The following DMD variants were observed in gnomAD, a reference collection of about 807,000 sequenced individuals.
DMD encodes dystrophin, also known as mutant dystrophin.
A neutral mutation model predicts 330.1 loss-of-function variants in DMD; 63 were observed. The observed-to-expected ratio is 0.19, with a 90% CI of 0.16 to 0.24. The LOEUF (loss-of-function observed/expected upper bound fraction) is 0.24. Among genes scored for constraint, DMD ranks in the 10% least tolerant of loss-of-function variants. The pLI is 1.00. For missense variants in DMD, 3,344 were observed against 2,684.1 expected, an observed-to-expected ratio of 1.25 and a Z score of -5.43; for synonymous variants, 1,223 against 959.8, an observed-to-expected ratio of 1.27 and a Z score of -5.07.
Position 31,121,040 on chromosome X carries a change from G to A in DMD, c.*879C>T, listed in dbSNP as rs1450011640. The A allele has an allele frequency of 8.9e-6, 1 of 111,852 alleles. No individual in the cohort carries two copies. The highest frequency in any genetic ancestry group is 1.9e-5 in the Non-Finnish European group (1 of 53,083). 9.2% of individuals were successfully genotyped at this position (111,852 alleles called of 1,213,427 possible). A position where few individuals can be genotyped will look rare whatever the true frequency, so the allele number is the denominator to read the frequency against. Reference sequence around the variant, plus strand: ...CTGGAGCTGTAGACAATGTTTTAGTGTGGTGTAGTTTCCTCCTGGCTTCCG... The same window carrying A: ...CTGGAGCTGTAGACAATGTTTTAGTATGGTGTAGTTTCCTCCTGGCTTCCG... On this transcript the variant is annotated 3_prime_UTR_variant, in exon 79 of 79. Coordinates refer to ENST00000357033, the MANE Select transcript of DMD (RefSeq NM_004006.3).
intron 1 of DMD, among the ~76,000 whole-genome samples, chrX:33,070,665 CTCTCTCTCTATA>C (rs1230060816): frequency 1.7e-4 from 8 of 45,860 alleles, no homozygotes; most frequent in Admixed American, 3.0e-4. Context: ...CTCTCTCTCT[CTCTCTCTCTATA>C]TATATATATA....
intron 33 of DMD, among the ~76,000 whole-genome samples, chrX:32,386,084 T>TC (rs1337110447): frequency 9.1e-6 from 1 of 110,483 alleles, no homozygotes; most frequent in African/African-American, 3.3e-5. Flanking sequence ...TTATTGTTTC[T>TC]TAATGAGAAT....
At chrX:31,845,156 T>C (rs1357982692) in intron 48 of DMD, among the ~76,000 whole-genome samples, 1 of 109,911 alleles carries the variant, frequency 9.1e-6, no homozygotes, top group Admixed American at 9.8e-5. Flanking sequence ...TTTTAGGCAA[T>C]GTGAGCACAG....
At chrX:32,854,041 C>T (rs900489163) in intron 2 of DMD, among the ~76,000 whole-genome samples, 1 of 111,388 alleles carries the variant, frequency 9.0e-6, no homozygotes, top group African/African-American at 3.3e-5. Flanking sequence ...TAAATATATA[C>T]GTACCGAACA....
chrX:33,145,926 C>A (rs2048006589), intron 1 of DMD, among the ~76,000 whole-genome samples: 1 of 110,272 alleles, frequency 9.1e-6, no homozygotes, highest in Non-Finnish European at 1.9e-5. Flanking sequence ...CTCGCTCTGT[C>A]GCCAGGCTGG....
intron 23 of DMD, among the ~76,000 whole-genome samples, chrX:32,467,411 T>C (rs1323874612): frequency 9.0e-6 from 1 of 110,826 alleles, no homozygotes; most frequent in Non-Finnish European, 1.9e-5. Flanking sequence ...ATTAGTATGG[T>C]GGCACTATTC....
intron 60 of DMD, among the ~76,000 whole-genome samples, chrX:31,368,873 T>C (rs1039802098): frequency 9.0e-6 from 1 of 111,245 alleles, no homozygotes; most frequent in African/African-American, 3.3e-5. Context: ...CTGGAACTCC[T>C]GACCTCAGGT....
chrX:31,265,968 G>C (rs1030511781), intron 62 of DMD, among the ~76,000 whole-genome samples: 1 of 107,490 alleles, frequency 9.3e-6, no homozygotes, highest in African/African-American at 3.4e-5. Flanking sequence ...TGCCTCCCTC[G>C]AGCAACTAAA....
At chrX:31,139,831 A>C (rs2035817056) in intron 76 of DMD, among the ~76,000 whole-genome samples, 1 of 111,460 alleles carries the variant, frequency 9.0e-6, no homozygotes, top group Non-Finnish European at 1.9e-5. Context: ...ACCAAACACC[A>C]CCTGGGTTCC....
chrX:33,123,526 C>T (rs1374430668), intron 1 of DMD, among the ~76,000 whole-genome samples: 1 of 110,306 alleles, frequency 9.1e-6, no homozygotes, highest in East Asian at 2.9e-4. Flanking sequence ...AAGCAATTCT[C>T]CTGCCTCAGC....
intron 1 of DMD, among the ~76,000 whole-genome samples, chrX:33,066,445 T>A (rs1478478171): frequency 7.8e-5 from 2 of 25,636 alleles, no homozygotes; most frequent in African/African-American, 3.5e-4. Context: ...TGAGACTCTG[T>A]CAAAAAAAAA....
intron 29 of DMD, among the ~76,000 whole-genome samples, chrX:32,423,296 C>A (rs1331628167): frequency 9.6e-6 from 1 of 103,650 alleles, no homozygotes; most frequent in Non-Finnish European, 2.0e-5. Context: ...ACTCAACTAT[C>A]AAATTATGAG....
chrX:32,161,031 A>G (rs2096847735), intron 44 of DMD, among the ~76,000 whole-genome samples: 1 of 111,414 alleles, frequency 9.0e-6, no homozygotes, highest in East Asian at 2.8e-4. Flanking sequence ...TGGTGTGAAG[A>G]GCTCTGACAA....
At chrX:32,819,293 T>C (rs2078025247) in intron 5 of DMD, among the ~76,000 whole-genome samples, 1 of 110,935 alleles carries the variant, frequency 9.0e-6, no homozygotes, top group African/African-American at 3.3e-5. Flanking sequence ...TAATTGCAAA[T>C]TGTATCAATA....
chrX:32,711,037 C>T (rs1825375195), intron 7 of DMD, among the ~76,000 whole-genome samples: 1 of 111,608 alleles, frequency 9.0e-6, no homozygotes, highest in Admixed American at 9.6e-5. Context: ...CTCCCTTTGA[C>T]TAGATATTAG....
chrX:32,885,826 G>GAAA (rs2084476756), intron 2 of DMD, among the ~76,000 whole-genome samples: 4 of 22,141 alleles, frequency 1.8e-4, no homozygotes, highest in Admixed American at 4.2e-4. Context: ...CCCTTGAGGG[G>GAAA]GAAAAAAAAA....
chrX:31,966,404 T>A (rs1360468186), intron 45 of DMD, among the ~76,000 whole-genome samples: 5 of 110,777 alleles, frequency 4.5e-5, no homozygotes, highest in Non-Finnish European at 9.5e-5. Context: ...GATATAAAAA[T>A]CCTGAGGAAG....
intron 1 of DMD, among the ~76,000 whole-genome samples, chrX:33,039,602 T>C (rs1331923902): frequency 1.8e-5 from 2 of 111,787 alleles, no homozygotes; most frequent in African/African-American, 6.5e-5. Flanking sequence ...GATTCACAGA[T>C]AACAGGTCCT....
intron 29 of DMD, among the ~76,000 whole-genome samples, chrX:32,417,217 G>C (rs2098169475): frequency 9.0e-6 from 1 of 111,660 alleles, no homozygotes; most frequent in South Asian, 3.8e-4. Context: ...TTACAAAAGA[G>C]CTGGGAAAAC....
Sources: gnomAD v4.1 joint callset for allele counts (sites outside exome capture counted in the v4.1 genomes callset) on GRCh38, gnomAD v4.1.1 for gene constraint, MANE v1.5 for transcripts, NCBI Gene and HGNC (gene_info 2026-07-23, HGNC 2026-07-21) for gene names.